The following MCC variants were observed in gnomAD, a reference collection of about 807,000 sequenced individuals.
MCC encodes the protein MCC regulator of Wnt signaling pathway.
Under a neutral mutation model 116.2 loss-of-function variants are expected in MCC, and 90 were observed. The observed-to-expected ratio is 0.77, with a 90% CI of 0.65 to 0.92. The LOEUF (loss-of-function observed/expected upper bound fraction) is 0.92, where lower values mean the gene tolerates loss of function less well. Among genes scored for constraint, MCC ranks in the 40% least tolerant of loss-of-function variants. The pLI is 0.00. For missense variants in MCC, 1,516 were observed against 1,312.2 expected, an observed-to-expected ratio of 1.16 and a Z score of -2.40; for synonymous variants, 578 against 510.5, an observed-to-expected ratio of 1.13 and a Z score of -1.78.
intron 1 of MCC, among the ~76,000 whole-genome samples, chr5:113,392,365 T>A (rs61341835): frequency 0.038 from 5,796 of 152,216 alleles, 374 homozygotes; most frequent in African/African-American, 0.13. Flanking sequence ...AAAACGTAAT[T>A]TTAGAAACTG....
rs768694739 is a variant in MCC, at chr5:113,063,978, C to A, written c.2213+6G>T. ...GCCCACCCCAGAGCAGAAGGCTGAGCATTACCTGGTGTGGCTGTTGGAGGA... is the reference window on the plus strand; with the variant it reads ...GCCCACCCCAGAGCAGAAGGCTGAGAATTACCTGGTGTGGCTGTTGGAGGA... On this transcript the variant is annotated splice_donor_region_variant and intron_variant, in intron 14 of 18. Coordinates refer to ENST00000408903, the MANE Select transcript of MCC (RefSeq NM_001085377.2). 2 of 1,610,016 alleles carry A rather than the reference C, an allele frequency of 1.2e-6. No homozygotes were observed. The highest frequency in any genetic ancestry group is 1.7e-5 in the Admixed American group (1 of 59,752).
intron 3 of MCC, among the ~76,000 whole-genome samples, chr5:113,333,418 G>T (rs908049953): frequency 1.3e-5 from 2 of 151,558 alleles, no homozygotes; most frequent in Non-Finnish European, 2.9e-5. Flanking sequence ...TTTGACTGTT[G>T]GATACACAGA....
chr5:113,095,906 G>A (rs958176094), intron 8 of MCC, among the ~76,000 whole-genome samples: 8 of 152,202 alleles, frequency 5.3e-5, no homozygotes, highest in African/African-American at 1.7e-4. Context: ...GCCCTACTGA[G>A]CTTGCACTGG....
At chr5:113,093,852 G>A (rs1165251429) in intron 8 of MCC, among the ~76,000 whole-genome samples, 3 of 152,156 alleles carry the variant, frequency 2.0e-5, no homozygotes, top group African/African-American at 4.8e-5. Context: ...GAAAGAGCCT[G>A]TTCTGCTGAT....
chr5:113,151,464 G>A (rs750092463), intron 3 of MCC, 42 bp from the exon 4 acceptor site: 3 of 1,109,538 alleles, frequency 2.7e-6, no homozygotes, highest in Non-Finnish European at 4.0e-6. Context: ...TTGTAGCAGA[G>A]ATGTATTTCC....
At chr5:113,070,539 T>A (rs1753965371) in intron 12 of MCC, among the ~76,000 whole-genome samples, 1 of 152,224 alleles carries the variant, frequency 6.6e-6, no homozygotes. Context: ...GACCTACAAT[T>A]CCTGCTTTGG....
At chr5:113,213,327 G>A (rs1763197834) in intron 3 of MCC, among the ~76,000 whole-genome samples, 1 of 152,216 alleles carries the variant, frequency 6.6e-6, no homozygotes, top group African/African-American at 2.4e-5. Context: ...TAAGCAGAAT[G>A]TGAACACTGC....
At chr5:113,338,846 C>T (rs939633688) in intron 3 of MCC, among the ~76,000 whole-genome samples, 4 of 152,124 alleles carry the variant, frequency 2.6e-5, no homozygotes, top group African/African-American at 4.8e-5. Flanking sequence ...CAAGAATGTC[C>T]TTGAAGTGTG....
chr5:113,213,124 G>A (rs879365160), intron 3 of MCC, among the ~76,000 whole-genome samples: 2 of 152,068 alleles, frequency 1.3e-5, no homozygotes, highest in Non-Finnish European at 2.9e-5. Context: ...GCTGTCACAC[G>A]CAATGCCATT....
At chr5:113,357,304 G>A (rs996216246) in intron 2 of MCC, among the ~76,000 whole-genome samples, 13 of 152,108 alleles carry the variant, frequency 8.5e-5, no homozygotes, top group Non-Finnish European at 1.8e-4. Flanking sequence ...CAAATATATA[G>A]GGAAAATGTA....
Position 113,095,702 on chromosome 5 carries a change from T to TG in MCC, c.1398+6036_1398+6037insC, listed in dbSNP as rs549461922. On this transcript the variant is annotated intron_variant, in intron 8 of 18. Coordinates refer to ENST00000408903, the MANE Select transcript of MCC (RefSeq NM_001085377.2). ...CTTGGCTAATTAAAAAAAAAAAAAT[T>TG]TTTTTTTTGGTAGAACAGAGGTCTT... 2.2e-3 allele frequency among the ~76,000 whole-genome samples: 338 copies of TG among 151,400 alleles called. 1 individual carries two copies. The highest frequency in any genetic ancestry group is 7.2e-3 in the African/African-American group (298 of 41,230).
At chr5:113,157,520 G>C (rs1230334531) in intron 3 of MCC, among the ~76,000 whole-genome samples, 3 of 150,450 alleles carry the variant, frequency 2.0e-5, no homozygotes, top group African/African-American at 7.5e-5. Flanking sequence ...TGCACCTCAT[G>C]CTGCTGAGGC....
intron 5 of MCC, among the ~76,000 whole-genome samples, chr5:113,132,439 TATATACACACAC>T (rs1367671702): frequency 7.8e-5 from 5 of 63,962 alleles, no homozygotes; most frequent in African/African-American, 1.8e-4. Context: ...TATATATATA[TATATACACACAC>T]ACACACACAC....
intron 1 of MCC, chr5:113,433,719 C>G (rs1426533349): frequency 3.7e-6 from 6 of 1,601,348 alleles, no homozygotes; most frequent in Admixed American, 3.4e-5. Flanking sequence ...CATCTCATTC[C>G]CTGGGCCGCA....
intron 1 of MCC, among the ~76,000 whole-genome samples, chr5:113,485,775 T>G (rs1772508674): frequency 6.6e-6 from 1 of 152,360 alleles, no homozygotes; most frequent in South Asian, 2.1e-4. Context: ...TACTTGACTA[T>G]GGTTAGGTTA....
intron 3 of MCC, among the ~76,000 whole-genome samples, chr5:113,315,054 T>C (rs11739509): frequency 0.089 from 13,508 of 152,280 alleles, 900 homozygotes; most frequent in Non-Finnish European, 0.12. Context: ...TCTCCATCAG[T>C]AAATAAGAAA....
chr5:113,345,304 G>A (rs935497298), intron 2 of MCC, among the ~76,000 whole-genome samples: 3 of 152,164 alleles, frequency 2.0e-5, no homozygotes, highest in Admixed American at 2.0e-4. Flanking sequence ...CTCCCAGACA[G>A]CATTTCTGAC....
chr5:113,055,835 A>G (rs1159702158), intron 14 of MCC, among the ~76,000 whole-genome samples: 3 of 152,226 alleles, frequency 2.0e-5, no homozygotes, highest in African/African-American at 4.8e-5. Flanking sequence ...GACTGTTTCC[A>G]TACAGTGAGT....
intron 3 of MCC, among the ~76,000 whole-genome samples, chr5:113,282,994 G>A (rs1194553623): frequency 6.6e-6 from 1 of 152,166 alleles, no homozygotes; most frequent in Admixed American, 6.5e-5. Context: ...TCTTAACTCT[G>A]TGCCTGCCTG....
Sources: allele counts gnomAD v4.1 joint callset (sites outside exome capture counted in the v4.1 genomes callset), GRCh38; gene constraint gnomAD v4.1.1; transcripts MANE v1.5; gene names NCBI Gene and HGNC (gene_info 2026-07-23, HGNC 2026-07-21).